Variants in KAT2B observed in about 807,000 individuals in gnomAD.
KAT2B encodes histone acetyltransferase KAT2B.
A neutral mutation model predicts 105.9 loss-of-function variants in KAT2B; 36 were observed. The ratio of observed to expected loss-of-function variants is 0.34; its 90% CI spans 0.26 to 0.45. The LOEUF (loss-of-function observed/expected upper bound fraction) is 0.45. KAT2B is among the 20% of genes least tolerant of loss of function. The pLI, the probability that KAT2B is intolerant of heterozygous loss-of-function variation, is 1.00. For missense variants in KAT2B, 820 were observed against 1,021.6 expected (o/e 0.80, Z 2.69); for synonymous variants, 397 against 377.9 (o/e 1.05, Z -0.59).
intron 14 of KAT2B, among the ~76,000 whole-genome samples, chr3:20,147,501 C>T (rs998104864): frequency 6.6e-6 from 1 of 152,130 alleles, no homozygotes; most frequent in African/African-American, 2.4e-5. Flanking sequence ...GAAATCACAT[C>T]CAGATCTGTC....
chr3:20,049,903 A>T (rs1476631342), intron 1 of KAT2B, among the ~76,000 whole-genome samples: 1 of 152,150 alleles, frequency 6.6e-6, no homozygotes, highest in Non-Finnish European at 1.5e-5. Context: ...GACTGTCTTG[A>T]AAGTTTAGAA....
At chr3:20,115,650 A>G (rs1352616813) in intron 7 of KAT2B, among the ~76,000 whole-genome samples, 1 of 152,194 alleles carries the variant, frequency 6.6e-6, no homozygotes, top group East Asian at 1.9e-4. Context: ...ATATAGTAAA[A>G]TGTACTCTTT....
intron 2 of KAT2B, among the ~76,000 whole-genome samples, chr3:20,080,077 G>A (rs1698493068): frequency 6.6e-6 from 1 of 152,110 alleles, no homozygotes. Context: ...AGCTTCTGGA[G>A]TTCTTATTTC....
intron 2 of KAT2B, among the ~76,000 whole-genome samples, chr3:20,086,481 G>C (rs1698617843): frequency 6.6e-6 from 1 of 152,078 alleles, no homozygotes. Context: ...CACGCCTATA[G>C]TCCCAGCCAC....
chr3:20,050,798 G>C (rs1211555149), intron 1 of KAT2B, among the ~76,000 whole-genome samples: 1 of 151,812 alleles, frequency 6.6e-6, no homozygotes, highest in East Asian at 2.0e-4. Context: ...CTGCCTCCTG[G>C]GGTCATGCCA....
intron 7 of KAT2B, among the ~76,000 whole-genome samples, chr3:20,118,734 A>G (rs1699253698): frequency 7.0e-6 from 1 of 141,914 alleles, no homozygotes; most frequent in African/African-American, 2.7e-5. Context: ...CTCAAAAAAA[A>G]AAAAAAAAAA....
At chr3:20,144,800 CTTTTT>C (rs201923590) in intron 13 of KAT2B, among the ~76,000 whole-genome samples, 6 of 144,160 alleles carry the variant, frequency 4.2e-5, no homozygotes, top group Non-Finnish European at 6.2e-5. Context: ...CTTTCTTTTT[CTTTTT>C]TTTTTTTTAA....
intron 1 of KAT2B, among the ~76,000 whole-genome samples, chr3:20,059,372 ATG>A: frequency 8.1e-6 from 1 of 123,796 alleles, no homozygotes; most frequent in Admixed American, 9.8e-5. Context: ...TGAGATCATC[ATG>A]CCACTGTACT....
rs138887198 is a variant in KAT2B at position 20,060,569 on chromosome 3, C to G, written c.304-11764C>G. ...TGAGCTGAGATCACGCCATTGCACT[C>G]CAGCCTGGGCAACAAGAGAGAAACT... On this transcript the variant is annotated intron_variant, in intron 1 of 17. Transcript: ENST00000263754. 3.7e-3 allele frequency among the ~76,000 whole-genome samples: 566 copies of G among 152,072 alleles called. 3 individuals carry two copies. The highest frequency in any genetic ancestry group is 0.013 in the African/African-American group (535 of 41,494).
chr3:20,083,874 G>A (rs1698565349), intron 2 of KAT2B, among the ~76,000 whole-genome samples: 1 of 152,088 alleles, frequency 6.6e-6, no homozygotes, highest in African/African-American at 2.4e-5. Flanking sequence ...GCCATGAGGA[G>A]TTCAGTCTTT....
intron 6 of KAT2B, among the ~76,000 whole-genome samples, chr3:20,113,246 TCTTA>T (rs1236794841): frequency 6.6e-6 from 1 of 152,240 alleles, no homozygotes; most frequent in Non-Finnish European, 1.5e-5. Flanking sequence ...GAAGCAGTTT[TCTTA>T]CTTATGTATC....
chr3:20,041,507 C>A (rs1697718857), intron 1 of KAT2B, among the ~76,000 whole-genome samples: 2 of 152,220 alleles, frequency 1.3e-5, no homozygotes, highest in South Asian at 4.1e-4. Flanking sequence ...AGTTTGAGGA[C>A]ACCCATTTCT....
intron 1 of KAT2B, among the ~76,000 whole-genome samples, chr3:20,068,375 G>A (rs9843017): frequency 6.7e-6 from 1 of 149,996 alleles, no homozygotes; most frequent in Non-Finnish European, 1.5e-5. Context: ...AGCAAGCCAG[G>A]CACTCTCTTG....
chr3:20,142,359 T>C (rs1156322669), intron 13 of KAT2B, among the ~76,000 whole-genome samples: 1 of 152,192 alleles, frequency 6.6e-6, no homozygotes. Flanking sequence ...CTATCTGAAG[T>C]CACTTCAATA....
chr3:20,103,578 T>C (rs1011999846), intron 5 of KAT2B, among the ~76,000 whole-genome samples: 125 of 152,136 alleles, frequency 8.2e-4, no homozygotes, highest in African/African-American at 3.0e-3. Context: ...CCTGGCTATT[T>C]GTTTATTTTT....
At chr3:20,132,148 G>T (rs998805289) in intron 11 of KAT2B, among the ~76,000 whole-genome samples, 1 of 152,170 alleles carries the variant, frequency 6.6e-6, no homozygotes, top group Non-Finnish European at 1.5e-5. Context: ...GCTGAGGCGG[G>T]CGGATCACCT....
At chr3:20,145,320 C>A (rs1006873895) in intron 13 of KAT2B, among the ~76,000 whole-genome samples, 4 of 152,104 alleles carry the variant, frequency 2.6e-5, no homozygotes, top group African/African-American at 9.7e-5. Flanking sequence ...CAGCACTGAT[C>A]TAGATTTACT....
At chr3:20,057,895 G>T (rs989327689) in intron 1 of KAT2B, among the ~76,000 whole-genome samples, 1 of 152,102 alleles carries the variant, frequency 6.6e-6, no homozygotes, top group Non-Finnish European at 1.5e-5. Flanking sequence ...GCAAAGGGAG[G>T]GCAGTTTCTT....
chr3:20,151,383 T>C (rs1699866945), intron 17 of KAT2B, among the ~76,000 whole-genome samples: 1 of 152,210 alleles, frequency 6.6e-6, no homozygotes, highest in South Asian at 2.1e-4. Flanking sequence ...TATAGGTTTC[T>C]TTCCCCCTGG....
Sources: gnomAD v4.1 joint callset for allele counts (sites outside exome capture counted in the v4.1 genomes callset) on GRCh38, gnomAD v4.1.1 for gene constraint, MANE v1.5 for transcripts, NCBI Gene and HGNC (gene_info 2026-07-23, HGNC 2026-07-21) for gene names.